The following GFRA1 variants were observed in gnomAD, a reference collection of about 807,000 sequenced individuals.
GFRA1 encodes the protein GDNF family receptor alpha 1.
In GFRA1, 16 loss-of-function variants were observed where a neutral mutation model predicts 51.6. That is an observed-to-expected ratio of 0.31 (90% confidence interval 0.21 to 0.47). The LOEUF (loss-of-function observed/expected upper bound fraction) is 0.47. Ranked by LOEUF, GFRA1 falls within the 20% of genes least tolerant of loss-of-function variation. The pLI is 1.00. For missense variants in GFRA1, 530 were observed against 594.3 expected (o/e 0.89, Z 1.13); for synonymous variants, 270 against 241.3 (o/e 1.12, Z -1.10).
In GFRA1 at chr10:116,096,669, T is replaced by G; in HGVS notation, c.866A>C (p.Tyr289Ser). The G allele has an allele frequency of 6.3e-7, 1 of 1,589,448 alleles. No individual in the cohort carries two copies. The highest frequency in any genetic ancestry group is 1.1e-5 in the South Asian group (1 of 90,424). Residue 289 changes from tyrosine to serine, a missense_variant, in exon 7 of 11, where the codon TAC (tyrosine) becomes TCC (serine). Physicochemically the swap from Tyr to Ser is moderately radical, Grantham distance 144 (BLOSUM62 -2). Coordinates refer to ENST00000355422, the MANE Select transcript of GFRA1 (RefSeq NM_005264.8). The part of the protein sequence containing the change: ...KENYADCLLA[Y>S]SGLIGTVMTP... The stretch of plus-strand genomic sequence containing the variant: ...TCGGATCTTACCAATAAGCCCCGAG[T>G]AGGCGAGGAGGCAGTCAGCGTAGTT...
intron 6 of GFRA1, among the ~76,000 whole-genome samples, chr10:116,100,178 A>G (rs1956761579): frequency 6.6e-6 from 1 of 152,236 alleles, no homozygotes; most frequent in Non-Finnish European, 1.5e-5. Context: ...GCAGCAAAGT[A>G]TAAAGTAATC....
In GFRA1 at chr10:116,070,697, AAAG is replaced by A. The variant is rs145811614; in HGVS notation, c.1198-5074_1198-5072del. On this transcript the variant is annotated intron_variant, in intron 9 of 10. Coordinates refer to ENST00000355422, the MANE Select transcript of GFRA1 (RefSeq NM_005264.8). Reference sequence around the variant, plus strand: ...TCTGTATATAAAAAGAAGACAGAAAAAAGAAGCTCCTTGTTAGTGAATCCAAGC... The same window carrying A: ...TCTGTATATAAAAAGAAGACAGAAAAAAGCTCCTTGTTAGTGAATCCAAGC... 6.4e-3 allele frequency among the ~76,000 whole-genome samples: 973 copies of A among 152,204 alleles called. 6 individuals carry two copies. The highest frequency in any genetic ancestry group is 0.022 in the African/African-American group (898 of 41,484).
intron 4 of GFRA1, among the ~76,000 whole-genome samples, chr10:116,258,204 G>A (rs775521263): frequency 1.6e-4 from 24 of 151,860 alleles, no homozygotes; most frequent in Non-Finnish European, 2.6e-4. Context: ...GCCTCCCACT[G>A]TGCTCATAGT....
chr10:116,114,103 A>G (rs1178897957), intron 6 of GFRA1, among the ~76,000 whole-genome samples: 2 of 152,134 alleles, frequency 1.3e-5, no homozygotes, highest in Admixed American at 1.3e-4. Flanking sequence ...ATTCAGTCTC[A>G]CTGAGTCAGT....
intron 5 of GFRA1, among the ~76,000 whole-genome samples, chr10:116,178,299 C>CAA (rs1555163904): frequency 2.9e-5 from 4 of 138,922 alleles, no homozygotes; most frequent in African/African-American, 7.9e-5. Flanking sequence ...CACAAGGGGC[C>CAA]GGGGGGGCGT....
intron 10 of GFRA1, 96 bp from the exon 11 acceptor site, chr10:116,064,640 G>A (rs1462424673): frequency 1.3e-5 from 15 of 1,154,854 alleles, no homozygotes; most frequent in Non-Finnish European, 2.0e-5. Context: ...CCCACTGGCT[G>A]ACCCACTCAC....
chr10:116,273,422 G>A (rs1335894044), upstream of GFRA1: 2 of 152,146 alleles, frequency 1.3e-5, no homozygotes, highest in South Asian at 2.1e-4. Context: ...TATTGGAAGC[G>A]GCGCGGAGAA....
upstream of GFRA1, among the ~76,000 whole-genome samples, chr10:116,273,907 G>A (rs1456503791): frequency 6.6e-6 from 1 of 152,028 alleles, no homozygotes; most frequent in Non-Finnish European, 1.5e-5. Flanking sequence ...CCACGCCAGC[G>A]CGTGCACACT....
chr10:116,133,068 T>TC (rs943035969), intron 5 of GFRA1, among the ~76,000 whole-genome samples: 9 of 152,062 alleles, frequency 5.9e-5, no homozygotes, highest in African/African-American at 2.2e-4. Context: ...TGTTATTCAT[T>TC]CTTTAACTTG....
At chr10:116,181,660 CA>C (rs1191350999) in intron 5 of GFRA1, among the ~76,000 whole-genome samples, 1 of 150,734 alleles carries the variant, frequency 6.6e-6, no homozygotes, top group Non-Finnish European at 1.5e-5. Context: ...TTTTTTGAGA[CA>C]GAGTCTCACT....
chr10:116,130,615 AC>A (rs1310739312), intron 5 of GFRA1, among the ~76,000 whole-genome samples: 1 of 152,110 alleles, frequency 6.6e-6, no homozygotes, highest in African/African-American at 2.4e-5. Flanking sequence ...ATCTACAGTC[AC>A]TTGATTTTTT....
At chr10:116,141,096 T>C (rs535704980) in intron 5 of GFRA1, among the ~76,000 whole-genome samples, 1 of 152,190 alleles carries the variant, frequency 6.6e-6, no homozygotes, top group Non-Finnish European at 1.5e-5. Context: ...AGCTAACATG[T>C]CTAAAACAGT....
rs578038106 is a variant in GFRA1 at position 116,163,121 on chromosome 10, G to GA, written c.434-37565dup. Among the ~76,000 whole-genome samples, 17 of 152,268 alleles carry GA rather than the reference G, an allele frequency of 1.1e-4. No homozygotes were observed. In the South Asian group the frequency reaches 3.1e-3, roughly 28 times the overall value. On this transcript the variant is annotated intron_variant, in intron 5 of 10. Coordinates refer to ENST00000355422, the MANE Select transcript of GFRA1 (RefSeq NM_005264.8). ...GGAAAATCGATGTAATGACCCATAAGAGGAACCTGTTCATAAAGAAGGTCA... is the reference window on the plus strand; with the variant it reads ...GGAAAATCGATGTAATGACCCATAAGAAGGAACCTGTTCATAAAGAAGGTCA...
chr10:116,264,241 C>T (rs1431448728), intron 4 of GFRA1, among the ~76,000 whole-genome samples: 3 of 152,172 alleles, frequency 2.0e-5, no homozygotes, highest in Admixed American at 6.5e-5. Flanking sequence ...ACACCAGTGC[C>T]ATGACCTGGC....
chr10:116,200,985 T>C (rs1232594977), intron 5 of GFRA1, among the ~76,000 whole-genome samples: 2 of 152,138 alleles, frequency 1.3e-5, no homozygotes, highest in Non-Finnish European at 2.9e-5. Flanking sequence ...CCACAAACAA[T>C]ATGGACAGTT....
In GFRA1 at chr10:116,145,148, CAAAAAAAA is replaced by C. The variant is rs58509181; in HGVS notation, c.434-19599_434-19592del. Among the ~76,000 whole-genome samples the C allele has an allele frequency of 6.6e-4, 19 of 28,738 alleles. No individual in the cohort carries two copies. In the Admixed American group the frequency reaches 8.4e-3, roughly 13 times the overall value. 18.9% of individuals were successfully genotyped at this position (28,738 alleles called of 152,430 possible). On this transcript the variant is annotated intron_variant, in intron 5 of 10. Transcript: ENST00000355422. ...TGGGCGACAGAACGAGACTCTGTCT[CAAAAAAAA>C]AAAAAAAAAAAAAAAAGATTAAAAA...
At chr10:116,251,255 G>A (rs1305793660) in intron 4 of GFRA1, among the ~76,000 whole-genome samples, 1 of 152,216 alleles carries the variant, frequency 6.6e-6, no homozygotes, top group African/African-American at 2.4e-5. Flanking sequence ...AGTTGGCTCA[G>A]TAGACATTTG....
intron 5 of GFRA1, among the ~76,000 whole-genome samples, chr10:116,205,848 C>T (rs995219739): frequency 1.3e-5 from 2 of 151,560 alleles, no homozygotes; most frequent in Non-Finnish European, 2.9e-5. Context: ...AAGAGGCAGC[C>T]TCGCACAGCC....
intron 4 of GFRA1, among the ~76,000 whole-genome samples, chr10:116,256,693 T>C (rs960096865): frequency 6.6e-6 from 1 of 152,194 alleles, no homozygotes; most frequent in Non-Finnish European, 1.5e-5. Flanking sequence ...TGAGTTTTCA[T>C]TGAGACATTC....
Sources: gnomAD v4.1 joint callset for allele counts (sites outside exome capture counted in the v4.1 genomes callset) on GRCh38, gnomAD v4.1.1 for gene constraint, MANE v1.5 for transcripts, NCBI Gene and HGNC (gene_info 2026-07-23, HGNC 2026-07-21) for gene names.